MRPL52: variants seen among roughly 807,000 people sequenced by gnomAD.
MRPL52 encodes the protein large ribosomal subunit protein mL52.
In MRPL52, 19 loss-of-function variants were observed where a neutral mutation model predicts 22.1. That is an observed-to-expected ratio of 0.86 (90% CI 0.60 to 1.26). The LOEUF is 1.26. Ranked by LOEUF, MRPL52 falls within the 50% of genes most tolerant of loss-of-function variation. The pLI, the probability that MRPL52 is intolerant of heterozygous loss-of-function variation, is 0.00. For missense variants in MRPL52, 152 were observed against 148.1 expected, an observed-to-expected ratio of 1.03 and a Z score of -0.14; for synonymous variants, 50 against 57.5, an observed-to-expected ratio of 0.87 and a Z score of 0.59.
At chr14:22,834,048 G>A (rs567005313) in intron 4 of MRPL52, 124 bp from the exon 5 acceptor site, 161 of 1,078,876 alleles carry the variant, frequency 1.5e-4, no homozygotes, top group Non-Finnish European at 2.0e-4. Flanking sequence ...GCCAGAACTC[G>A]CTCCCACTGG....
intron 4 of MRPL52, 157 bp downstream of exon 4, chr14:22,833,639 T>G (rs912530339): frequency 3.3e-6 from 2 of 613,728 alleles, no homozygotes; most frequent in Non-Finnish European, 5.7e-6. Context: ...TTTTGTTTTT[T>G]GTGAGACGGA....
chr14:22,830,214 C>T lies in MRPL52; in HGVS notation c.114C>T (p.Gly38=). 6.2e-7 allele frequency: 1 copy of T among 1,614,258 alleles called. No individual in the cohort carries two copies. The highest frequency in any genetic ancestry group is 8.5e-7 in the Non-Finnish European group (1 of 1,180,036). ...LQQGLAANPS[G]YGPLTELPDW... ...AGGGACTGGCTGCCAACCCCTCCGG[C>T]TACGGGCCCCTTACCGAGCTCCCAG... The change falls in exon 3 of 5, where the codon GGC becomes GGT. Residue 38 remains glycine, a synonymous_variant. Coordinates refer to ENST00000397496, the MANE Select transcript of MRPL52 (RefSeq NM_180982.3).
intron 3 of MRPL52, 173 bp from the exon 4 acceptor site, chr14:22,833,245 C>G (rs1461940304): frequency 1.7e-6 from 1 of 586,014 alleles, no homozygotes; most frequent in Non-Finnish European, 3.1e-6. Flanking sequence ...TCTGGGTTAT[C>G]GTACCTCACC....
chr14:22,834,495 T>G lies in MRPL52; in HGVS notation c.*174T>G. On this transcript the variant is annotated 3_prime_UTR_variant, in exon 5 of 5. Coordinates refer to ENST00000397496, the MANE Select transcript of MRPL52 (RefSeq NM_180982.3). ...CTGCCTGGGAGGCTTGGCTTAGTACTCTCATCTCTGGTTCCATTCCAGTTC... is the reference window on the plus strand; with the variant it reads ...CTGCCTGGGAGGCTTGGCTTAGTACGCTCATCTCTGGTTCCATTCCAGTTC... 1.4e-6 allele frequency: 1 copy of G among 702,750 alleles called. No homozygotes were observed. The allele number at this position is 702,750 out of a possible 1,614,324, so 43.5% of individuals were successfully genotyped here.
chr14:22,832,775 A>C (rs916694767), intron 3 of MRPL52, among the ~76,000 whole-genome samples: 2 of 152,090 alleles, frequency 1.3e-5, no homozygotes, highest in African/African-American at 2.4e-5. Context: ...GTTACTCGGG[A>C]GGCTGAGGCA....
chr14:22,829,890 T>A lies in MRPL52; in HGVS notation c.-23T>A. 1 of 1,491,726 alleles carries A rather than the reference T, an allele frequency of 6.7e-7. No individual in the cohort carries two copies. The highest frequency in any genetic ancestry group is 9.1e-7 in the Non-Finnish European group (1 of 1,100,466). The allele number at this position is 1,491,726 out of a possible 1,614,324, so 92.4% of individuals were successfully genotyped here. A position where few individuals can be genotyped will look rare whatever the true frequency, so the allele number is the denominator to read the frequency against. ...CACCGAGGCCACGCCTACTTCCGGC[T>A]ACCCCGGCTACTCCTGCTCAGCATG... On this transcript the variant is annotated 5_prime_UTR_variant, in exon 1 of 5. Transcript: ENST00000397496.
chr14:22,830,120 G>C lies in MRPL52; in HGVS notation c.86+10G>C. 3 of 1,614,242 alleles carry C rather than the reference G, an allele frequency of 1.9e-6. No homozygotes were observed. In the East Asian group the frequency reaches 6.7e-5, roughly 36 times the overall value. ...GCCAGTGGCGACTACAGTGAGTCCT[G>C]GGATGAGGGCACCTGGGGGACCAGA... is the stretch of plus-strand genomic sequence containing the variant. On this transcript the variant is annotated intron_variant, in intron 2 of 4. Coordinates refer to ENST00000397496, the MANE Select transcript of MRPL52 (RefSeq NM_180982.3).
chr14:22,830,736 G>A, intron 3 of MRPL52: 1 of 464,672 alleles, frequency 2.2e-6, no homozygotes, highest in African/African-American at 2.0e-5. Context: ...AAGAGAGAGG[G>A]AGGGAGAATA....
At chr14:22,833,245 C>T (rs1461940304) in intron 3 of MRPL52, 173 bp from the exon 4 acceptor site, 1 of 586,014 alleles carries the variant, frequency 1.7e-6, no homozygotes, top group South Asian at 2.1e-5. Context: ...TCTGGGTTAT[C>T]GTACCTCACC....
chr14:22,833,395 T>G (rs1454719175), intron 3 of MRPL52, 23 bp from the exon 4 acceptor site: 56 of 1,577,032 alleles, frequency 3.6e-5, no homozygotes, highest in Non-Finnish European at 4.9e-5. Context: ...AACACTTGAC[T>G]TTTCTCTCAC....
At chr14:22,831,116 T>TTTC in intron 3 of MRPL52, 1 of 588,918 alleles carries the variant, frequency 1.7e-6, no homozygotes, top group East Asian at 4.6e-5. Flanking sequence ...CTTTTTTTTT[T>TTTC]TTTTTTTTTT....
intron 3 of MRPL52, chr14:22,831,116 T>TTTTTTTTTC (rs2039606467): frequency 1.7e-6 from 1 of 588,922 alleles, no homozygotes; most frequent in Non-Finnish European, 2.6e-6. Flanking sequence ...CTTTTTTTTT[T>TTTTTTTTTC]TTTTTTTTTT....
chr14:22,833,982 A>G (rs745489801), intron 4 of MRPL52, among the ~76,000 whole-genome samples, 190 bp from the exon 5 acceptor site: 1 of 152,248 alleles, frequency 6.6e-6, no homozygotes, highest in African/African-American at 2.4e-5. Context: ...CTCCCAGGAC[A>G]GGAACCAGTA....
At chr14:22,830,568 A>G in intron 3 of MRPL52, 1 of 434,422 alleles carries the variant, frequency 2.3e-6, no homozygotes, top group African/African-American at 2.0e-5. Context: ...TTAACCAAGA[A>G]CCACTTTTCT....
chr14:22,832,738 G>T (rs2039649545), intron 3 of MRPL52, among the ~76,000 whole-genome samples: 1 of 152,108 alleles, frequency 6.6e-6, no homozygotes, highest in African/African-American at 2.4e-5. Flanking sequence ...AATTAGCCGG[G>T]TGTGGTGGTG....
chr14:22,831,617 C>T (rs548453071), intron 3 of MRPL52: 1 of 152,368 alleles, frequency 6.6e-6, no homozygotes, highest in Admixed American at 6.5e-5. Context: ...AATAACACCT[C>T]TTCTCTGTCT....
chr14:22,833,557 G>A, intron 4 of MRPL52, 75 bp downstream of exon 4: 1 of 1,093,052 alleles, frequency 9.1e-7, no homozygotes, highest in South Asian at 1.3e-5. Flanking sequence ...GAGCTGTGTT[G>A]CACCTAAGCA....
At chr14:22,830,963 G>A (rs1226355607) in intron 3 of MRPL52, 2 of 1,528,438 alleles carry the variant, frequency 1.3e-6, no homozygotes, top group Non-Finnish European at 1.8e-6. Flanking sequence ...TTGCTCTCTA[G>A]GGGTATGATC....
intron 3 of MRPL52, chr14:22,830,455 A>G: frequency 1.6e-6 from 1 of 617,314 alleles, no homozygotes; most frequent in Non-Finnish European, 2.8e-6. Context: ...GCTAAACAGG[A>G]TCTTGGCTTG....
Sources: allele counts gnomAD v4.1 joint callset (sites outside exome capture counted in the v4.1 genomes callset), GRCh38; gene constraint gnomAD v4.1.1; transcripts MANE v1.5; gene names NCBI Gene and HGNC (gene_info 2026-07-23, HGNC 2026-07-21).